Variants in ST8SIA1 observed in about 807,000 individuals in gnomAD.
ST8SIA1 encodes alpha-N-acetylneuraminide alpha-2,8-sialyltransferase.
Under a neutral mutation model 35.9 loss-of-function variants are expected in ST8SIA1, and 16 were observed. That is an observed-to-expected ratio of 0.45 (90% CI 0.30 to 0.68). The LOEUF (loss-of-function observed/expected upper bound fraction) is 0.68. Among genes scored for constraint, ST8SIA1 ranks in the 30% least tolerant of loss-of-function variants. The probability of loss-of-function intolerance (pLI) is 0.09; values close to 1 mark genes in which losing one functional copy is unlikely to be tolerated. For synonymous variants in ST8SIA1, 170 were observed against 169.6 expected (o/e 1.00, Z -0.02); for missense variants, 383 against 453.6 (o/e 0.84, Z 1.41).
At chr12:22,230,203 A>C (rs1231641494) in intron 4 of ST8SIA1, among the ~76,000 whole-genome samples, 1 of 152,202 alleles carries the variant, frequency 6.6e-6, no homozygotes, top group Non-Finnish European at 1.5e-5. Flanking sequence ...GGTTTTAGTG[A>C]TATCAGGCAC....
At chr12:22,282,461 T>A (rs921445625) in intron 2 of ST8SIA1, among the ~76,000 whole-genome samples, 1 of 152,164 alleles carries the variant, frequency 6.6e-6, no homozygotes, top group South Asian at 2.1e-4. Context: ...TGTGACTCAT[T>A]CCTGATTAAT....
At chr12:22,205,859 T>G (rs1341920120) in intron 4 of ST8SIA1, among the ~76,000 whole-genome samples, 4 of 152,202 alleles carry the variant, frequency 2.6e-5, no homozygotes, top group Non-Finnish European at 5.9e-5. Flanking sequence ...TATGTCATGT[T>G]GTAAAATTTC....
chr12:22,303,057 A>G (rs549416190), intron 1 of ST8SIA1, among the ~76,000 whole-genome samples: 5 of 152,336 alleles, frequency 3.3e-5, no homozygotes, highest in Admixed American at 3.3e-4. Context: ...CACGTGCTCA[A>G]CTTTGACAAA....
At chr12:22,293,520 C>A (rs1023711110) in intron 1 of ST8SIA1, among the ~76,000 whole-genome samples, 3 of 152,178 alleles carry the variant, frequency 2.0e-5, no homozygotes, top group Non-Finnish European at 4.4e-5. Context: ...CCTAAAATTT[C>A]TTTTAGACTA....
intron 1 of ST8SIA1, chr12:22,326,223 A>C (rs758546443): frequency 4.3e-6 from 1 of 230,370 alleles, no homozygotes; most frequent in Non-Finnish European, 8.3e-6. Flanking sequence ...TAACTGGTAC[A>C]TGGTAGACAT....
At chr12:22,283,258 C>T (rs987926875) in intron 2 of ST8SIA1, among the ~76,000 whole-genome samples, 2 of 152,074 alleles carry the variant, frequency 1.3e-5, no homozygotes, top group African/African-American at 4.8e-5. Context: ...GACAGCCAAC[C>T]GTGTTTTTAT....
chr12:22,295,474 T>C (rs991317227), intron 1 of ST8SIA1, among the ~76,000 whole-genome samples: 4 of 152,194 alleles, frequency 2.6e-5, no homozygotes, highest in African/African-American at 9.6e-5. Flanking sequence ...GGTTCACACC[T>C]GTAATCCCAG....
chr12:22,330,435 G>A (rs1471445170), intron 1 of ST8SIA1, among the ~76,000 whole-genome samples: 1 of 152,150 alleles, frequency 6.6e-6, no homozygotes, highest in Non-Finnish European at 1.5e-5. Flanking sequence ...CTCTGAGATT[G>A]GACTTACCAA....
chr12:22,291,418 C>A (rs1240453575), intron 1 of ST8SIA1, among the ~76,000 whole-genome samples: 1 of 152,202 alleles, frequency 6.6e-6, no homozygotes, highest in Non-Finnish European at 1.5e-5. Context: ...GAATTTACCT[C>A]AGTTTCAGTA....
intron 1 of ST8SIA1, among the ~76,000 whole-genome samples, chr12:22,317,851 T>C (rs1866539874): frequency 6.6e-6 from 1 of 152,204 alleles, no homozygotes; most frequent in East Asian, 1.9e-4. Context: ...AGGTTGTGCA[T>C]CACCATGTAT....
chr12:22,298,118 G>A (rs551935537), intron 1 of ST8SIA1, among the ~76,000 whole-genome samples: 2 of 152,278 alleles, frequency 1.3e-5, no homozygotes, highest in African/African-American at 4.8e-5. Context: ...CCTCATGAGG[G>A]CATGGAAATT....
At chr12:22,316,372 G>A (rs1866519829) in intron 1 of ST8SIA1, among the ~76,000 whole-genome samples, 1 of 152,152 alleles carries the variant, frequency 6.6e-6, no homozygotes, top group Non-Finnish European at 1.5e-5. Flanking sequence ...TATCTAGAAT[G>A]GATGGACTTG....
At chr12:22,252,869 T>TA (rs1782688045) in intron 3 of ST8SIA1, among the ~76,000 whole-genome samples, 1 of 152,200 alleles carries the variant, frequency 6.6e-6, no homozygotes, top group Non-Finnish European at 1.5e-5. Context: ...AATACAAAAA[T>TA]ACACTTATTG....
At chr12:22,247,478 C>A (rs550911039) in intron 4 of ST8SIA1, among the ~76,000 whole-genome samples, 3 of 149,406 alleles carry the variant, frequency 2.0e-5, no homozygotes, top group South Asian at 2.1e-4. Context: ...TGTAAGTGTT[C>A]TCTTATTTCT....
chr12:22,229,173 C>G (rs1485576031), intron 4 of ST8SIA1, among the ~76,000 whole-genome samples: 1 of 151,730 alleles, frequency 6.6e-6, no homozygotes, highest in African/African-American at 2.4e-5. Flanking sequence ...TCTTAGGACA[C>G]TATTTTCAGC....
chr12:22,272,790 G>A (rs1005285182), intron 2 of ST8SIA1, among the ~76,000 whole-genome samples: 19 of 152,206 alleles, frequency 1.2e-4, no homozygotes, highest in Non-Finnish European at 1.3e-4. Flanking sequence ...AAGAGACCTC[G>A]GAACCAGTTC....
chr12:22,204,180 C>CA (rs3216627), intron 4 of ST8SIA1, among the ~76,000 whole-genome samples: 63,643 of 150,222 alleles, frequency 0.42, 13,689 homozygotes, highest in East Asian at 0.6. Flanking sequence ...CTCTCCTCTT[C>CA]AAAAAAAAAA....
At chr12:22,264,165 A>G (rs996239939) in intron 2 of ST8SIA1, among the ~76,000 whole-genome samples, 1 of 152,108 alleles carries the variant, frequency 6.6e-6, no homozygotes, top group Non-Finnish European at 1.5e-5. Flanking sequence ...CCCCTGCCTC[A>G]TATTTAATTA....
At chr12:22,242,860 CA>C (rs1865556159) in intron 4 of ST8SIA1, among the ~76,000 whole-genome samples, 1 of 152,094 alleles carries the variant, frequency 6.6e-6, no homozygotes, top group Admixed American at 6.5e-5. Context: ...CATAAAAATT[CA>C]ATCAGAGGAT....
Sources: allele counts gnomAD v4.1 joint callset (sites outside exome capture counted in the v4.1 genomes callset), GRCh38; gene constraint gnomAD v4.1.1; transcripts MANE v1.5; gene names NCBI Gene and HGNC (gene_info 2026-07-23, HGNC 2026-07-21).